The following USP28 variants were observed in gnomAD, a reference collection of about 807,000 sequenced individuals.
USP28 encodes the protein ubiquitin carboxyl-terminal hydrolase 28.
In USP28, 113 loss-of-function variants were observed where a neutral mutation model predicts 145.0. The ratio of observed to expected loss-of-function variants is 0.78; its 90% CI spans 0.67 to 0.91. The LOEUF is 0.91. USP28 is among the 40% of genes least tolerant of loss of function. USP28 has a pLI of 0.00. For synonymous variants in USP28, 447 were observed against 450.9 expected (o/e 0.99, Z 0.11); for missense variants, 1,201 against 1,289.6 (o/e 0.93, Z 1.05).
At chr11:113,870,355 C>T (rs978363342) in intron 1 of USP28, among the ~76,000 whole-genome samples, 3 of 151,996 alleles carry the variant, frequency 2.0e-5, no homozygotes, top group Admixed American at 6.6e-5. Flanking sequence ...AGCAAGACCT[C>T]GTCTCTATAA....
intron 1 of USP28, among the ~76,000 whole-genome samples, chr11:113,859,907 A>AC (rs1448499765): frequency 5.8e-4 from 89 of 152,340 alleles, no homozygotes; most frequent in African/African-American, 2.1e-3. Context: ...AAAGACAGGC[A>AC]AACACAAACC....
chr11:113,870,339 C>A (rs1338500133), intron 1 of USP28, among the ~76,000 whole-genome samples: 2 of 152,080 alleles, frequency 1.3e-5, no homozygotes, highest in East Asian at 1.9e-4. Flanking sequence ...CCAGCCTGGG[C>A]AACATAGCAA....
intron 12 of USP28, among the ~76,000 whole-genome samples, chr11:113,819,393 G>T (rs1168923825): frequency 6.6e-6 from 1 of 152,088 alleles, no homozygotes. Flanking sequence ...GATTACAGGT[G>T]TGAGCCACTG....
At chr11:113,853,027 G>A (rs754418620) in intron 2 of USP28, among the ~76,000 whole-genome samples, 4 of 152,106 alleles carry the variant, frequency 2.6e-5, no homozygotes, top group Non-Finnish European at 4.4e-5. Context: ...CAGGGCAGGC[G>A]CAGTGGCTCA....
chr11:113,842,682 GA>G (rs1166548350), intron 3 of USP28, among the ~76,000 whole-genome samples: 1 of 149,318 alleles, frequency 6.7e-6, no homozygotes, highest in Admixed American at 6.7e-5. Context: ...ACAGTTAAAA[GA>G]AAAAAATGAT....
chr11:113,834,438 C>CA (rs1259774935), intron 5 of USP28, 103 bp from the exon 6 acceptor site: 1 of 748,042 alleles, frequency 1.3e-6, no homozygotes, highest in Non-Finnish European at 2.0e-6. Context: ...TAAAAGTATG[C>CA]AAAACTATCA....
chr11:113,874,441 A>AC, intron 1 of USP28: 1 of 1,113,038 alleles, frequency 9.0e-7, no homozygotes, highest in African/African-American at 1.7e-5. Flanking sequence ...AAAAAAAAAA[A>AC]AAAAAAAAGT....
At chr11:113,858,853 C>T (rs931190114) in intron 1 of USP28, among the ~76,000 whole-genome samples, 1 of 152,164 alleles carries the variant, frequency 6.6e-6, no homozygotes, top group Admixed American at 6.5e-5. Flanking sequence ...AAGTGATCCA[C>T]CCACCTCGGC....
intron 3 of USP28, among the ~76,000 whole-genome samples, chr11:113,843,227 A>G (rs1327593560): frequency 2.0e-5 from 3 of 151,762 alleles, no homozygotes; most frequent in African/African-American, 7.3e-5. Flanking sequence ...GTGAGACTCC[A>G]TCTCACTCTG....
intron 1 of USP28, among the ~76,000 whole-genome samples, chr11:113,869,980 T>C (rs1235057002): frequency 6.6e-6 from 1 of 151,740 alleles, no homozygotes; most frequent in Non-Finnish European, 1.5e-5. Context: ...CTGACAAACA[T>C]GGAGAAACCC....
chr11:113,835,151 C>G (rs969735821), intron 5 of USP28: 26 of 404,704 alleles, frequency 6.4e-5, no homozygotes, highest in Admixed American at 1.6e-4. Context: ...GATGGTAGAA[C>G]TGGAGAGAGG....
chr11:113,808,416 T>A (rs112771979), exon 18 of USP28: 2 of 1,614,078 alleles, frequency 1.2e-6, no homozygotes, highest in Non-Finnish European at 1.7e-6. Flanking sequence ...GCGAACCCCA[T>A]GAGAAGAGGC....
At chr11:113,813,781 C>G in intron 15 of USP28, 104 bp downstream of exon 15, 1 of 856,470 alleles carries the variant, frequency 1.2e-6, no homozygotes, top group South Asian at 1.5e-5. Context: ...ATTCTTTTAT[C>G]TTAGGGGGAT....
chr11:113,819,169 G>A (rs1402481348), intron 12 of USP28, among the ~76,000 whole-genome samples: 1 of 150,906 alleles, frequency 6.6e-6, no homozygotes, highest in Non-Finnish European at 1.5e-5. Context: ...CTGGAGTGCA[G>A]CGGCACGATC....
intron 1 of USP28, among the ~76,000 whole-genome samples, chr11:113,873,412 T>A (rs897271044): frequency 6.6e-6 from 1 of 152,192 alleles, no homozygotes. Context: ...CCACAGCCAC[T>A]GGAGTTCCAA....
At chr11:113,839,892 C>T (rs1945001715) in intron 5 of USP28, among the ~76,000 whole-genome samples, 1 of 152,100 alleles carries the variant, frequency 6.6e-6, no homozygotes, top group Admixed American at 6.5e-5. Flanking sequence ...CCTGGTGGTA[C>T]ATGCCTGTAG....
chr11:113,842,574 G>A (rs1362168594), intron 3 of USP28, among the ~76,000 whole-genome samples: 3 of 147,990 alleles, frequency 2.0e-5, no homozygotes, highest in African/African-American at 5.0e-5. Context: ...AACAGAGTGA[G>A]ACTCCGTCTC....
At chr11:113,843,469 C>T (rs1234780177) in intron 3 of USP28, among the ~76,000 whole-genome samples, 2 of 151,902 alleles carry the variant, frequency 1.3e-5, no homozygotes, top group South Asian at 2.1e-4. Context: ...ATTGGGAGTT[C>T]GAGATCAGCC....
At chr11:113,825,529 T>C (rs1006851016) in intron 11 of USP28, among the ~76,000 whole-genome samples, 3 of 152,246 alleles carry the variant, frequency 2.0e-5, no homozygotes, top group Admixed American at 1.3e-4. Context: ...CTAAAAATTA[T>C]GCCAAGGATT....
Sources: allele counts gnomAD v4.1 joint callset (sites outside exome capture counted in the v4.1 genomes callset), GRCh38; gene constraint gnomAD v4.1.1; transcripts MANE v1.5; gene names NCBI Gene and HGNC (gene_info 2026-07-23, HGNC 2026-07-21).